Variants in ST6GALNAC6 observed in about 807,000 individuals in gnomAD.
ST6GALNAC6 encodes ST6 N-acetylgalactosaminide alpha-2,6-sialyltransferase 6, also known as alpha-N-acetylgalactosaminide alpha-2,6-sialyltransferase 6.
ST6GALNAC6 carries 19 observed loss-of-function variants against 34.3 expected under a neutral mutation model. The observed-to-expected ratio is 0.55, with a 90% CI of 0.39 to 0.81. ST6GALNAC6 has a LOEUF of 0.81. ST6GALNAC6 is among the 40% of genes least tolerant of loss of function. The pLI is 0.00. For synonymous variants in ST6GALNAC6, 185 were observed against 182.1 expected (o/e 1.02, Z -0.13); for missense variants, 377 against 467.7 (o/e 0.81, Z 1.79).
In ST6GALNAC6 at chr9:127,890,288, A is replaced by C. The variant is rs1196439758; in HGVS notation, c.704+349T>G. The stretch of plus-strand genomic sequence containing the variant: ...GCTTAAGGCAAGACATGCTGGGAAC[A>C]GTCAAGACTTTACATTGGGTACACT... On this transcript the variant is annotated intron_variant, in intron 5 of 6. Transcript: ENST00000373146. This position sits in a 1 kb window ranked among gnomAD's most constrained non-coding sequence, Gnocchi z 4.3. Among the ~76,000 whole-genome samples, 2 of 152,172 alleles carry C rather than the reference A, an allele frequency of 1.3e-5. No homozygotes were observed. The highest frequency in any genetic ancestry group is 2.9e-5 in the Non-Finnish European group (2 of 68,024).
chr9:127,886,897 C>G, intron 6 of ST6GALNAC6, 109 bp from the exon 7 acceptor site: 2 of 1,109,848 alleles, frequency 1.8e-6, no homozygotes, highest in Non-Finnish European at 2.5e-6. Context: ...ATCCCCATGC[C>G]TCCTGGGGCC....
intron 3 of ST6GALNAC6, among the ~76,000 whole-genome samples, chr9:127,895,912 C>T (rs1476432610): frequency 6.6e-6 from 1 of 152,168 alleles, no homozygotes; most frequent in Admixed American, 6.5e-5. Context: ...CACCCTTGCC[C>T]CATTTCCCGC....
At position 127,896,255 on chromosome 9, in the gene ST6GALNAC6, A is replaced by G; in HGVS notation, c.104T>C (p.Met35Thr). 6.2e-7 allele frequency: 1 copy of G among 1,614,030 alleles called. No homozygotes were observed. The highest frequency in any genetic ancestry group is 8.5e-7 in the Non-Finnish European group (1 of 1,179,978). The change falls in exon 3 of 7, where the codon ATG (methionine) becomes ACG (threonine). Residue 35 changes from methionine (M) to threonine (T), a missense_variant. By Grantham distance (81) the Met-to-Thr change is moderately conservative. Transcript: ENST00000373146. ...AGGCAGACTTACTTTGTTGCTACTC[A>G]TTTCTCTCCGGCGTCTGCTGAGGGG... ...HLPLSRRRRE[M>T]SSNKEQRSAV...
intron 5 of ST6GALNAC6, among the ~76,000 whole-genome samples, chr9:127,889,770 C>A (rs1202347786): frequency 6.6e-6 from 1 of 152,042 alleles, no homozygotes; most frequent in African/African-American, 2.4e-5. Flanking sequence ...TATGCCATTT[C>A]TATATATTAG....
chr9:127,897,127 G>A (rs7027357), intron 2 of ST6GALNAC6: 845,570 of 973,880 alleles, frequency 0.87, 373,531 homozygotes, highest in Non-Finnish European at 0.9. Context: ...TGAGGAGGCC[G>A]GCCCAGCTCT....
intron 6 of ST6GALNAC6, among the ~76,000 whole-genome samples, 174 bp from the exon 7 acceptor site, chr9:127,886,962 A>ATT (rs35918357): frequency 0.23 from 33,986 of 145,320 alleles, 4,173 homozygotes; most frequent in Middle Eastern, 0.34. Flanking sequence ...GTAACCACCA[A>ATT]TTTTTTTTTT....
intron 2 of ST6GALNAC6, chr9:127,897,369 C>A: frequency 2.0e-6 from 2 of 986,020 alleles, no homozygotes; most frequent in Non-Finnish European, 2.4e-6. Context: ...GCCCTTTGAC[C>A]TAGCCGCTGT....
chr9:127,889,338 C>A (rs111915364), intron 5 of ST6GALNAC6, among the ~76,000 whole-genome samples: 924 of 80,298 alleles, frequency 0.012, 7 homozygotes, highest in Middle Eastern at 0.026. Flanking sequence ...CAGAGCAAGA[C>A]TCCCTCTCAA....
chr9:127,890,646 C>A lies in ST6GALNAC6; in HGVS notation c.695G>T (p.Gly232Val), dbSNP rs144944271. ...GGCAGGAGGCTGGTACCTGTCCTTG[C>A]CCGTCTCACCCCGGAAGAGGTCGTC... ...QFDDLFRGET[G>V]KDREKSHSWL... The change falls in exon 5 of 7, where the codon GGC becomes GTC. Residue 232 changes from glycine to valine, a missense_variant. Transcript: ENST00000373146. The surrounding 1 kb of genome is among the most constrained non-coding windows in gnomAD (Gnocchi z 4.3). The A allele has an allele frequency of 1.9e-6, 3 of 1,613,178 alleles. No individual in the cohort carries two copies. The highest frequency in any genetic ancestry group is 2.5e-6 in the Non-Finnish European group (3 of 1,180,024).
chr9:127,902,990 C>CTTTTT (rs10551658), upstream of ST6GALNAC6: 12 of 54,114 alleles, frequency 2.2e-4, no homozygotes, highest in African/African-American at 6.4e-4. Flanking sequence ...TTTTTGCTTG[C>CTTTTT]TTTTTTTTTT....
At position 127,890,978 on chromosome 9, in the gene ST6GALNAC6, C is replaced by G. The variant is rs1379521341; in HGVS notation, c.363G>C (p.Lys121Asn). ...CAGCCCGCTCGATCTCAGGGCCCAG[C>G]TTGGTGCCCAGCAGGTGGCTGGAGC... is the stretch of plus-strand genomic sequence containing the variant. ...VSSSSHLLGT[K>N]LGPEIERAEC... is the part of the protein sequence containing the mutation. Residue 121 changes from lysine (K) to asparagine (N), a missense_variant, in exon 5 of 7, where the codon AAG (lysine) becomes AAC (asparagine). Physicochemically the swap from Lys to Asn is moderately conservative, Grantham distance 94. Transcript: ENST00000373146. The surrounding 1 kb of genome is among the most constrained non-coding windows in gnomAD (Gnocchi z 4.3). 1 of 1,614,140 alleles carries G rather than the reference C, an allele frequency of 6.2e-7. No individual in the cohort carries two copies. Among genetic ancestry groups the G allele is most frequent in the Admixed American group, 1.7e-5 (1 of 60,006 alleles).
rs776406277 is a variant in ST6GALNAC6 at position 127,890,834 on chromosome 9, C to A, written c.507G>T (p.Gln169His). The A allele has an allele frequency of 3.1e-5, 50 of 1,614,072 alleles. 1 individual carries two copies. The highest frequency in any genetic ancestry group is 3.1e-5 in the Non-Finnish European group (36 of 1,180,022). The change falls in exon 5 of 7, where the codon CAG becomes CAT. Residue 169 changes from glutamine to histidine, a missense_variant. Gln to His is a conservative substitution (Grantham distance 24). Transcript: ENST00000373146. The surrounding 1 kb of genome is among the most constrained non-coding windows in gnomAD (Gnocchi z 4.3). Reference protein sequence around the residue: ...SSVFRVLRRPQEFVNRTPETV... With the variant: ...SSVFRVLRRPHEFVNRTPETV... ...TTTCAGGGGTCCGGTTGACAAACTC[C>A]TGGGGCCTCCTCAGCACGCGGAACA...
rs1829757468 is a variant in ST6GALNAC6, at chr9:127,886,455, T to C, written c.*144A>G. ...ACAGATTCCCCAGGCCCTGATTGGC[T>C]GGAGGATACATCCTCCTCAAGGCCC... On this transcript the variant is annotated 3_prime_UTR_variant, in exon 7 of 7. Coordinates refer to ENST00000373146, the MANE Select transcript of ST6GALNAC6 (RefSeq NM_013443.5). 1 of 1,450,622 alleles carries C rather than the reference T, an allele frequency of 6.9e-7. No homozygotes were observed. Among genetic ancestry groups the C allele is most frequent in the African/African-American group, 1.4e-5 (1 of 69,924 alleles). 89.9% of individuals were successfully genotyped at this position (1,450,622 alleles called of 1,614,324 possible).
chr9:127,894,398 T>C, intron 4 of ST6GALNAC6, 114 bp downstream of exon 4: 2 of 1,326,968 alleles, frequency 1.5e-6, no homozygotes, highest in South Asian at 1.4e-5. Flanking sequence ...CAAGATGAAA[T>C]CACCGGAGGC....
upstream of ST6GALNAC6, among the ~76,000 whole-genome samples, chr9:127,902,657 C>T (rs1346452197): frequency 6.6e-6 from 1 of 150,844 alleles, no homozygotes; most frequent in Non-Finnish European, 1.5e-5. Context: ...GGCGCGATCT[C>T]GGCTCACTGC....
At chr9:127,899,750 CCGCCTGGTGAG>C, upstream of ST6GALNAC6, 1 of 777,426 alleles carries the variant, frequency 1.3e-6, no homozygotes, top group South Asian at 5.8e-5. Flanking sequence ...CCGGGTGCCG[CCGCCTGGTGAG>C]CGCCTCGGTC....
upstream of ST6GALNAC6, among the ~76,000 whole-genome samples, chr9:127,900,870 G>A (rs1830729301): frequency 1.4e-5 from 2 of 143,598 alleles, no homozygotes. Flanking sequence ...TGTAATCCCA[G>A]CTACTTGGGA....
chr9:127,890,495 T>C lies in ST6GALNAC6; in HGVS notation c.704+142A>G. The C allele has an allele frequency of 8.4e-7, 1 of 1,191,876 alleles. No homozygotes were observed. Among genetic ancestry groups the C allele is most frequent in the Non-Finnish European group, 1.2e-6 (1 of 857,978 alleles). The allele number at this position is 1,191,876 out of a possible 1,614,324, so 73.8% of individuals were successfully genotyped here. A position where few individuals can be genotyped will look rare whatever the true frequency, so the allele number is the denominator to read the frequency against. The stretch of plus-strand genomic sequence containing the variant: ...GTGAACAGCTGGACATGAAGAGAAC[T>C]CTCCTAGGAGGCCCAACCAGAGGAC... On this transcript the variant is annotated intron_variant, in intron 5 of 6. Coordinates refer to ENST00000373146, the MANE Select transcript of ST6GALNAC6 (RefSeq NM_013443.5). This position sits in a 1 kb window ranked among gnomAD's most constrained non-coding sequence, Gnocchi z 4.3.
At position 127,886,351 on chromosome 9, in the gene ST6GALNAC6, T is replaced by C. The variant is rs1383745550; in HGVS notation, c.*248A>G. 26 of 1,151,692 alleles carry C rather than the reference T, an allele frequency of 2.3e-5. No homozygotes were observed. The highest frequency in any genetic ancestry group is 7.8e-5 in the African/African-American group (5 of 64,166). 71.3% of individuals were successfully genotyped at this position (1,151,692 alleles called of 1,614,324 possible). On this transcript the variant is annotated 3_prime_UTR_variant, in exon 7 of 7. Coordinates refer to ENST00000373146, the MANE Select transcript of ST6GALNAC6 (RefSeq NM_013443.5). ...CTCAGAAATACCCCCTCTACCCTGA[T>C]TGACTGTGCGCAGACCCTGACTGCA...
Sources: gnomAD v4.1 joint callset for allele counts (sites outside exome capture counted in the v4.1 genomes callset) on GRCh38, gnomAD v4.1.1 for gene constraint, Gnocchi (gnomAD v3.1) non-coding constraint, MANE v1.5 for transcripts, NCBI Gene and HGNC (gene_info 2026-07-23, HGNC 2026-07-21) for gene names.